KYNU: variants seen among roughly 807,000 people sequenced by gnomAD.
KYNU encodes kynureninase, also known as L-kynurenine hydrolase.
KYNU carries 54 observed loss-of-function variants against 59.2 expected under a neutral mutation model. The ratio of observed to expected loss-of-function variants is 0.91; its 90% CI spans 0.73 to 1.14. The LOEUF (loss-of-function observed/expected upper bound fraction) is 1.14, where lower values mean the gene tolerates loss of function less well. Among genes scored for constraint, KYNU ranks in the 50% most tolerant of loss-of-function variants. The pLI, the probability that KYNU is intolerant of heterozygous loss-of-function variation, is 0.00. For missense variants in KYNU, 567 were observed against 554.4 expected, an observed-to-expected ratio of 1.02 and a Z score of -0.23; for synonymous variants, 177 against 192.0, an observed-to-expected ratio of 0.92 and a Z score of 0.65.
chr2:142,879,964 A>G (rs896723326), intron 1 of KYNU, among the ~76,000 whole-genome samples: 1 of 152,196 alleles, frequency 6.6e-6, no homozygotes, highest in Non-Finnish European at 1.5e-5. Context: ...GAAAGTCTCA[A>G]ATATAAGGCA....
intron 4 of KYNU, chr2:142,948,139 A>G (rs1428163586): frequency 6.6e-6 from 1 of 152,266 alleles, no homozygotes; most frequent in Non-Finnish European, 1.5e-5. Context: ...CACCCTGGTC[A>G]CTGCCTGGCT....
intron 4 of KYNU, among the ~76,000 whole-genome samples, chr2:142,944,926 T>TAA (rs1683724845): frequency 6.6e-6 from 1 of 152,240 alleles, no homozygotes; most frequent in Admixed American, 6.5e-5. Flanking sequence ...TACTGTAGTC[T>TAA]ATTAAGTATG....
chr2:142,898,550 G>C (rs1318597008), intron 2 of KYNU, among the ~76,000 whole-genome samples: 1 of 151,998 alleles, frequency 6.6e-6, no homozygotes, highest in African/African-American at 2.4e-5. Context: ...AGCAAAATAT[G>C]GTACAAACTA....
intron 8 of KYNU, chr2:142,967,373 A>G (rs565804624): frequency 6.6e-6 from 1 of 152,276 alleles, no homozygotes; most frequent in South Asian, 2.1e-4. Context: ...GCAAACTCCA[A>G]CATTGTTTTA....
intron 4 of KYNU, among the ~76,000 whole-genome samples, chr2:142,942,127 T>C (rs1683620083): frequency 7.3e-6 from 1 of 137,712 alleles, no homozygotes; most frequent in Non-Finnish European, 1.5e-5. Context: ...CAGTGAGCCA[T>C]GATCATGCTG....
Position 142,968,837 on chromosome 2 carries a change from CAGGAGGTGGAGG to C in KYNU, c.729+8068_729+8079del, listed in dbSNP as rs1558950357. On this transcript the variant is annotated intron_variant, in intron 8 of 13. Transcript: ENST00000264170. ...CTGAGGTGGGAGTATCACTTGAGCT[CAGGAGGTGGAGG>C]CTGCAATGAACCAAGATCACACCAT... 2.4e-4 allele frequency among the ~76,000 whole-genome samples: 37 copies of C among 152,152 alleles called. 1 individual carries two copies. Among genetic ancestry groups the C allele is most frequent in the African/African-American group, 8.4e-4 (35 of 41,502 alleles).
intron 2 of KYNU, among the ~76,000 whole-genome samples, chr2:142,910,022 C>A (rs1383053098): frequency 6.6e-6 from 1 of 151,538 alleles, no homozygotes; most frequent in African/African-American, 2.4e-5. Context: ...TATCTCATTG[C>A]AGTTTTGATT....
intron 10 of KYNU, among the ~76,000 whole-genome samples, chr2:143,004,177 C>T (rs1259140039): frequency 6.6e-6 from 1 of 152,148 alleles, no homozygotes; most frequent in African/African-American, 2.4e-5. Context: ...CAGATATATT[C>T]AAGTAGGGAG....
intron 10 of KYNU, among the ~76,000 whole-genome samples, chr2:143,001,285 A>T (rs915860496): frequency 7.2e-5 from 11 of 152,086 alleles, no homozygotes; most frequent in African/African-American, 2.4e-4. Context: ...CACACCCAAT[A>T]GACTTTAAAC....
chr2:142,919,420 T>C (rs551594902), intron 3 of KYNU, among the ~76,000 whole-genome samples: 32 of 152,342 alleles, frequency 2.1e-4, no homozygotes, highest in African/African-American at 7.7e-4. Context: ...CACTTACTTT[T>C]ATGATAACCA....
At chr2:142,936,558 G>A (rs1157984942) in intron 4 of KYNU, among the ~76,000 whole-genome samples, 1 of 152,176 alleles carries the variant, frequency 6.6e-6, no homozygotes, top group African/African-American at 2.4e-5. Context: ...CGTCACTGCT[G>A]CCTTTTTCGT....
At chr2:142,937,094 A>T (rs957130565) in intron 4 of KYNU, among the ~76,000 whole-genome samples, 2 of 152,056 alleles carry the variant, frequency 1.3e-5, no homozygotes, top group Non-Finnish European at 2.9e-5. Flanking sequence ...GCTATGTTGT[A>T]CCTGGATGGC....
intron 10 of KYNU, among the ~76,000 whole-genome samples, chr2:143,019,087 T>A (rs1237249005): frequency 6.6e-6 from 1 of 152,098 alleles, no homozygotes. Flanking sequence ...TTAAGAGAGA[T>A]AATTTAACTT....
intron 10 of KYNU, among the ~76,000 whole-genome samples, chr2:143,012,451 C>T (rs454467): frequency 0.12 from 18,313 of 148,858 alleles, 1,272 homozygotes; most frequent in East Asian, 0.25. Context: ...CCACTGCACT[C>T]CAGCCTGGAT....
At position 143,042,347 on chromosome 2, in the gene KYNU, A is replaced by C. The variant is rs1376196278; in HGVS notation, c.*175A>C. On this transcript the variant is annotated 3_prime_UTR_variant, in exon 14 of 14. Transcript: ENST00000264170. Reference sequence around the variant, plus strand: ...TTTTTCAGAGTCTGTGGCACTAAGGAGTCCACAGGGCTGCCTAGGTGCTTT... The same window carrying C: ...TTTTTCAGAGTCTGTGGCACTAAGGCGTCCACAGGGCTGCCTAGGTGCTTT... 1.6e-6 allele frequency: 1 copy of C among 642,616 alleles called. No individual in the cohort carries two copies. The highest frequency in any genetic ancestry group is 1.8e-5 in the African/African-American group (1 of 54,168). 39.8% of individuals were successfully genotyped at this position (642,616 alleles called of 1,614,324 possible). A position where few individuals can be genotyped will look rare whatever the true frequency, so the allele number is the denominator to read the frequency against.
At chr2:143,002,825 C>T in intron 10 of KYNU, among the ~76,000 whole-genome samples, 1 of 152,196 alleles carries the variant, frequency 6.6e-6, no homozygotes, top group South Asian at 2.1e-4. Flanking sequence ...ACATTATGTG[C>T]ATAAAATTTC....
chr2:142,953,462 G>A (rs891813526), intron 4 of KYNU, among the ~76,000 whole-genome samples: 60 of 152,294 alleles, frequency 3.9e-4, no homozygotes, highest in African/African-American at 1.3e-3. Flanking sequence ...CCACAATAAT[G>A]TAGGGAAATA....
rs1687270181 is a variant in KYNU at position 143,051,747 on chromosome 2, A to T, written c.*9575A>T. The T allele has an allele frequency of 6.6e-6, 1 of 152,052 alleles. No individual in the cohort carries two copies. Among genetic ancestry groups the T allele is most frequent in the Non-Finnish European group, 1.5e-5 (1 of 68,028 alleles). The allele number at this position is 152,052 out of a possible 1,614,324, so 9.4% of individuals were successfully genotyped here. Reference sequence around the variant, plus strand: ...TTGTGAGGCCTCCCCCGCCATGTGGAATTGGGTCTTACTTTTGTAAATTGC... The same window carrying T: ...TTGTGAGGCCTCCCCCGCCATGTGGTATTGGGTCTTACTTTTGTAAATTGC... On this transcript the variant is annotated 3_prime_UTR_variant, in exon 14 of 14. Coordinates refer to ENST00000264170, the MANE Select transcript of KYNU (RefSeq NM_003937.3).
At chr2:142,927,801 T>C (rs1683092380) in intron 4 of KYNU, 60 bp downstream of exon 4, 2 of 1,127,092 alleles carry the variant, frequency 1.8e-6, no homozygotes, top group Non-Finnish European at 2.7e-6. Context: ...CATTTAGTTA[T>C]AAACACAGGC....
Sources: gnomAD v4.1 joint callset for allele counts (sites outside exome capture counted in the v4.1 genomes callset) on GRCh38, gnomAD v4.1.1 for gene constraint, MANE v1.5 for transcripts, NCBI Gene and HGNC (gene_info 2026-07-23, HGNC 2026-07-21) for gene names.